Variants in SCYL2 observed in about 807,000 individuals in gnomAD.
SCYL2 encodes the protein SCY1 like pseudokinase 2.
SCYL2 carries 36 observed loss-of-function variants against 100.4 expected under a neutral mutation model. That is an observed-to-expected ratio of 0.36 (90% confidence interval 0.27 to 0.47). The LOEUF is 0.47. Ranked by LOEUF, SCYL2 falls within the 20% of genes least tolerant of loss-of-function variation. The probability of loss-of-function intolerance (pLI) is 1.00; values close to 1 mark genes in which losing one functional copy is unlikely to be tolerated. For missense variants in SCYL2, 902 were observed against 1,083.9 expected (o/e 0.83, Z 2.36); for synonymous variants, 330 against 359.2 (o/e 0.92, Z 0.92).
At chr12:100,308,665 G>T (rs922344993) in intron 4 of SCYL2, among the ~76,000 whole-genome samples, 1 of 152,070 alleles carries the variant, frequency 6.6e-6, no homozygotes, top group African/African-American at 2.4e-5. Context: ...AAAAAAGAAA[G>T]AAATTGCAGT....
chr12:100,313,401 T>C (rs1043212150), intron 6 of SCYL2, 21 bp from the exon 7 acceptor site: 1 of 1,124,902 alleles, frequency 8.9e-7, no homozygotes, highest in Non-Finnish European at 1.3e-6. Context: ...ACTCATTTAA[T>C]GTTATCACTC....
At chr12:100,297,402 AAT>A (rs1481846367) in intron 3 of SCYL2, among the ~76,000 whole-genome samples, 2 of 152,186 alleles carry the variant, frequency 1.3e-5, no homozygotes, top group African/African-American at 4.8e-5. Context: ...AAGGCCATTG[AAT>A]GTTAATATCT....
Position 100,338,848 on chromosome 12 carries a change from TC to T in SCYL2, c.2468del (p.Pro823LeufsTer31), listed in dbSNP as rs1235501825. On this transcript the variant is annotated frameshift_variant, in exon 18 of 18. Coordinates refer to ENST00000360820, the MANE Select transcript of SCYL2 (RefSeq NM_017988.6). LOFTEE classifies it high-confidence loss of function. ...TGCCAAACTTCAATGCTTTGAGTGT[TC>T]CTCCTGCTGGTGCAAAGCAGACCCA... ...TLPNFNALSV[P>X]PAGAKQTQQR... The T allele has an allele frequency of 6.2e-7, 1 of 1,614,046 alleles. No individual in the cohort carries two copies. The highest frequency in any genetic ancestry group is 1.3e-5 in the African/African-American group (1 of 74,932).
At chr12:100,281,022 T>G (rs926866671) in intron 1 of SCYL2, among the ~76,000 whole-genome samples, 4 of 106,294 alleles carry the variant, frequency 3.8e-5, no homozygotes, top group Admixed American at 1.8e-4. Flanking sequence ...CATCAGTGTT[T>G]TTTTTTTTTT....
chr12:100,329,463 G>T (rs1245276881), intron 13 of SCYL2, 144 bp downstream of exon 13: 6 of 508,218 alleles, frequency 1.2e-5, no homozygotes, highest in African/African-American at 5.7e-5. Flanking sequence ...AAGTTTGTGG[G>T]TGGAAGGATA....
chr12:100,338,977 T>G lies in SCYL2; in HGVS notation c.2595T>G (p.Leu865=). 6.2e-7 allele frequency: 1 copy of G among 1,614,140 alleles called. No individual in the cohort carries two copies. The highest frequency in any genetic ancestry group is 1.1e-5 in the South Asian group (1 of 91,084). Residue 865 remains leucine (L), a synonymous_variant, in exon 18 of 18, where the codon CTT becomes CTG. Coordinates refer to ENST00000360820, the MANE Select transcript of SCYL2 (RefSeq NM_017988.6). Reference sequence around the variant, plus strand: ...CACAACAGAAACCAAATCAGTGGCTTAATCAGTTTGTACCTCCTCAAGGTT... The same window carrying G: ...CACAACAGAAACCAAATCAGTGGCTGAATCAGTTTGTACCTCCTCAAGGTT... ...QLSQQKPNQW[L]NQFVPPQGSP...
intron 13 of SCYL2, 155 bp from the exon 14 acceptor site, chr12:100,334,011 A>G (rs949768175): frequency 2.3e-5 from 12 of 518,050 alleles, no homozygotes; most frequent in Admixed American, 7.2e-5. Context: ...CCGAATTTAA[A>G]TGTATCATTC....
At chr12:100,273,471 C>A (rs1189643167) in intron 1 of SCYL2, among the ~76,000 whole-genome samples, 1 of 152,012 alleles carries the variant, frequency 6.6e-6, no homozygotes, top group African/African-American at 2.4e-5. Flanking sequence ...TTTTCATTTA[C>A]TTCCTTCCCA....
chr12:100,337,662 C>G (rs922180787), intron 17 of SCYL2, among the ~76,000 whole-genome samples, 156 bp downstream of exon 17: 1 of 152,098 alleles, frequency 6.6e-6, no homozygotes, highest in Non-Finnish European at 1.5e-5. Flanking sequence ...GATTTTCCAA[C>G]TCAGCTATAA....
chr12:100,273,182 C>G (rs2096289314), intron 1 of SCYL2, among the ~76,000 whole-genome samples: 1 of 152,122 alleles, frequency 6.6e-6, no homozygotes, highest in African/African-American at 2.4e-5. Flanking sequence ...CCTTGGTGAT[C>G]TGGCTTTTTA....
At chr12:100,305,713 C>A (rs2096333445) in intron 4 of SCYL2, among the ~76,000 whole-genome samples, 1 of 134,356 alleles carries the variant, frequency 7.4e-6, no homozygotes. Context: ...AATCTAGGAG[C>A]TGGTTTTTTT....
At chr12:100,286,546 C>T (rs2135840475) in intron 2 of SCYL2, among the ~76,000 whole-genome samples, 1 of 152,088 alleles carries the variant, frequency 6.6e-6, no homozygotes, top group African/African-American at 2.4e-5. Context: ...TAGTTTTGCC[C>T]TACTTCAGGG....
intron 4 of SCYL2, among the ~76,000 whole-genome samples, chr12:100,310,450 C>T (rs571638015): frequency 6.6e-6 from 1 of 152,162 alleles, no homozygotes. Flanking sequence ...AATGTATGTT[C>T]AAGTCCTGGA....
chr12:100,285,465 G>GTGTA (rs1425330524), intron 2 of SCYL2, among the ~76,000 whole-genome samples: 1 of 152,216 alleles, frequency 6.6e-6, no homozygotes, highest in African/African-American at 2.4e-5. Context: ...CTAGGTTGTA[G>GTGTA]TGTATGTGTT....
chr12:100,309,181 A>G (rs78385933), intron 4 of SCYL2, among the ~76,000 whole-genome samples: 4,922 of 151,972 alleles, frequency 0.032, 99 homozygotes, highest in African/African-American at 0.058. Context: ...GTTCCTGCGC[A>G]GGGAGGATAT....
rs1347151074 is a variant in SCYL2 at position 100,267,358 on chromosome 12, A to G, written c.-463A>G. ...AGGCGTTTATTAGGGGGGCGGGGGG[A>G]AAGAGCCCCAGCACCGCCCCTCCTG... On this transcript the variant is annotated 5_prime_UTR_variant, in exon 1 of 18. Coordinates refer to ENST00000360820, the MANE Select transcript of SCYL2 (RefSeq NM_017988.6). 2 of 327,222 alleles carry G rather than the reference A, an allele frequency of 6.1e-6. No homozygotes were observed. The highest frequency in any genetic ancestry group is 5.9e-5 in the South Asian group (1 of 16,906). The allele number at this position is 327,222 out of a possible 1,614,324, so 20.3% of individuals were successfully genotyped here.
chr12:100,310,231 T>A lies in SCYL2; in HGVS notation c.481-813T>A, dbSNP rs570396782. On this transcript the variant is annotated intron_variant, in intron 4 of 17. Transcript: ENST00000360820. ...CTAGGCTGGTCTCGAACTCCTGACC[T>A]GTGATCCGCCTGCCTCGGCCTCCCA... Among the ~76,000 whole-genome samples the A allele has an allele frequency of 2.6e-5, 4 of 152,288 alleles. No homozygotes were observed. In the East Asian group the frequency reaches 7.7e-4, roughly 29 times the overall value.
rs571848269 is a variant in SCYL2 at position 100,334,162 on chromosome 12, C to A, written c.1762-4C>A. ...GTAACCATATCAATTTCTCATTATACCAGTTCAATTCTTTCATTTCCGTCA... is the reference window on the plus strand; with the variant it reads ...GTAACCATATCAATTTCTCATTATAACAGTTCAATTCTTTCATTTCCGTCA... On this transcript the variant is annotated splice_region_variant and splice_polypyrimidine_tract_variant and intron_variant, in intron 13 of 17. Coordinates refer to ENST00000360820, the MANE Select transcript of SCYL2 (RefSeq NM_017988.6). The A allele has an allele frequency of 6.6e-7, 1 of 1,525,596 alleles. No individual in the cohort carries two copies. The highest frequency in any genetic ancestry group is 9.1e-7 in the Non-Finnish European group (1 of 1,103,902). The allele number at this position is 1,525,596 out of a possible 1,614,324, so 94.5% of individuals were successfully genotyped here. A position where few individuals can be genotyped will look rare whatever the true frequency, so the allele number is the denominator to read the frequency against.
chr12:100,316,273 A>G (rs967206410), intron 9 of SCYL2, among the ~76,000 whole-genome samples: 2 of 152,200 alleles, frequency 1.3e-5, no homozygotes, highest in Non-Finnish European at 2.9e-5. Context: ...TGTATATAAT[A>G]TATATTTGCT....
Sources: allele counts gnomAD v4.1 joint callset (sites outside exome capture counted in the v4.1 genomes callset), GRCh38; gene constraint gnomAD v4.1.1; transcripts MANE v1.5; gene names NCBI Gene and HGNC (gene_info 2026-07-23, HGNC 2026-07-21).